TEX11: variants seen among roughly 807,000 people sequenced by gnomAD.
TEX11 encodes testis expressed 11.
In TEX11, 7 loss-of-function variants were observed where a neutral mutation model predicts 84.4. The observed-to-expected ratio is 0.08, with a 90% confidence interval of 0.05 to 0.16. The LOEUF is 0.16. Ranked by LOEUF, TEX11 falls within the 10% of genes least tolerant of loss-of-function variation. The probability of loss-of-function intolerance (pLI) is 1.00; values close to 1 mark genes in which losing one functional copy is unlikely to be tolerated. For synonymous variants in TEX11, 264 were observed against 222.8 expected (o/e 1.18, Z -1.64); for missense variants, 551 against 660.5 (o/e 0.83, Z 1.82).
chrX:70,679,773 G>C (rs2090121617), intron 14 of TEX11, among the ~76,000 whole-genome samples: 5 of 105,539 alleles, frequency 4.7e-5, no homozygotes, highest in Non-Finnish European at 1.0e-4. Context: ...CCGTCCGGGA[G>C]GGAGGTGGGG....
intron 13 of TEX11, 36 bp downstream of exon 13, chrX:70,722,582 T>C (rs1321773432): frequency 6.1e-6 from 7 of 1,140,895 alleles, no homozygotes; most frequent in Non-Finnish European, 8.4e-6. Flanking sequence ...AGCCAAAAAC[T>C]GTCAGTCTTT....
intron 2 of TEX11, among the ~76,000 whole-genome samples, chrX:70,882,202 C>T (rs1299766372): frequency 9.0e-6 from 1 of 110,661 alleles, no homozygotes; most frequent in Non-Finnish European, 1.9e-5. Context: ...ATATTGGTAA[C>T]AGAATCAGGG....
chrX:70,517,786 C>T, the TEX11 span, among the ~76,000 whole-genome samples: 4 of 111,222 alleles, frequency 3.6e-5, no homozygotes, highest in African/African-American at 1.3e-4. Context: ...TTAATAATTG[C>T]CTCAATTTCA....
intron 9 of TEX11, among the ~76,000 whole-genome samples, chrX:70,803,187 C>A (rs1413819503): frequency 8.9e-6 from 1 of 112,117 alleles, no homozygotes; most frequent in Admixed American, 9.5e-5. Context: ...CCAAACCTTG[C>A]ATTCGGATTT....
intron 13 of TEX11, among the ~76,000 whole-genome samples, chrX:70,691,094 T>A (rs947089910): frequency 1.1e-4 from 12 of 111,713 alleles, no homozygotes; most frequent in Non-Finnish European, 2.1e-4. Context: ...ATGCTCAAAA[T>A]CACCAACCAT....
chrX:70,827,384 C>T (rs2091352610), intron 8 of TEX11, among the ~76,000 whole-genome samples: 1 of 111,398 alleles, frequency 9.0e-6, no homozygotes, highest in Non-Finnish European at 1.9e-5. Flanking sequence ...TTGAGAAAAG[C>T]CCAGGAAAAG....
chrX:70,712,464 A>C (rs1300871770), intron 13 of TEX11, among the ~76,000 whole-genome samples: 3 of 110,828 alleles, frequency 2.7e-5, no homozygotes, highest in Admixed American at 9.6e-5. Context: ...CTTTTATTTC[A>C]TTGAGCAGTG....
At chrX:70,544,402 G>A (rs954556168) in intron 28 of TEX11, among the ~76,000 whole-genome samples, 2 of 108,884 alleles carry the variant, frequency 1.8e-5, no homozygotes, top group African/African-American at 6.7e-5. Flanking sequence ...TGGTGCGCAC[G>A]TGTGGTCCCA....
rs180726276 is a variant in TEX11 at position 70,618,766 on chromosome X, G to A, written c.1751+5184C>T. 1.3e-3 allele frequency among the ~76,000 whole-genome samples: 142 copies of A among 112,217 alleles called. 1 individual carries two copies. Among genetic ancestry groups the A allele is most frequent in the Admixed American group, 0.012 (130 of 10,600 alleles). On this transcript the variant is annotated intron_variant, in intron 20 of 29. Coordinates refer to ENST00000374333, the MANE Select transcript of TEX11 (RefSeq NM_031276.3). ...ATACTGCACCAATTTGGGCTGCTGA[G>A]TCACATTTTCTCAGACCAAGAAACA...
At chrX:70,794,888 A>G (rs2091146892) in intron 9 of TEX11, among the ~76,000 whole-genome samples, 1 of 108,155 alleles carries the variant, frequency 9.2e-6, no homozygotes, top group Admixed American at 1.0e-4. Context: ...TTCAGGTGTG[A>G]GCCAACACAT....
intron 7 of TEX11, among the ~76,000 whole-genome samples, chrX:70,848,152 C>A (rs1037866501): frequency 2.7e-5 from 3 of 111,904 alleles, no homozygotes; most frequent in African/African-American, 9.7e-5. Context: ...GCCACCAAAC[C>A]TCTTCCTAAA....
intron 28 of TEX11, among the ~76,000 whole-genome samples, chrX:70,541,693 G>A (rs1027457336): frequency 9.0e-6 from 1 of 111,575 alleles, no homozygotes; most frequent in African/African-American, 3.3e-5. Context: ...GGGAGGCGGA[G>A]GTTGCAGTAA....
At chrX:70,764,580 A>G (rs1338332616) in intron 9 of TEX11, among the ~76,000 whole-genome samples, 1 of 112,013 alleles carries the variant, frequency 8.9e-6, no homozygotes. Flanking sequence ...ACAAAACTTT[A>G]GCCAGACTAT....
At chrX:70,572,825 G>A (rs1276868335) in intron 25 of TEX11, among the ~76,000 whole-genome samples, 6 of 89,345 alleles carry the variant, frequency 6.7e-5, no homozygotes, top group Non-Finnish European at 1.3e-4. Context: ...CACAGGAAGG[G>A]GAACATCACA....
At position 70,872,212 on chromosome X, in the gene TEX11, C is replaced by T. The variant is rs1433995608; in HGVS notation, c.244+1011G>A. 8.9e-5 allele frequency among the ~76,000 whole-genome samples: 10 copies of T among 111,798 alleles called. No homozygotes were observed. The East Asian group carries it at 2.8e-3, about 31-fold the overall frequency. ...CTGATAAATTCCTAGCTCTTACCTC[C>T]CCATAACTACAGGATCTGAGGCTCC... On this transcript the variant is annotated intron_variant, in intron 4 of 29. Coordinates refer to ENST00000374333, the MANE Select transcript of TEX11 (RefSeq NM_031276.3).
chrX:70,743,603 C>A (rs1431288634), intron 10 of TEX11, among the ~76,000 whole-genome samples: 2 of 111,259 alleles, frequency 1.8e-5, no homozygotes, highest in East Asian at 5.6e-4. Flanking sequence ...AGGCCAGGCA[C>A]GGTAGCTCAC....
At chrX:70,635,786 A>G (rs747627390) in intron 17 of TEX11, among the ~76,000 whole-genome samples, 2 of 110,646 alleles carry the variant, frequency 1.8e-5, no homozygotes, top group Non-Finnish European at 3.8e-5. Context: ...CTGCAGCCCC[A>G]GGATCCAGGC....
At chrX:70,838,338 G>A (rs182200797) in intron 7 of TEX11, among the ~76,000 whole-genome samples, 56 of 111,617 alleles carry the variant, frequency 5.0e-4, no homozygotes, top group Non-Finnish European at 2.6e-4. Flanking sequence ...CAGGATAATC[G>A]CTTGAACCCA....
chrX:70,624,791 G>T, intron 19 of TEX11, 48 bp downstream of exon 19: 1 of 1,038,611 alleles, frequency 9.6e-7, no homozygotes, highest in Non-Finnish European at 1.3e-6. Flanking sequence ...CTAAGAGCAA[G>T]ATAAGCAGAG....
Sources: allele counts gnomAD v4.1 joint callset (sites outside exome capture counted in the v4.1 genomes callset), GRCh38; gene constraint gnomAD v4.1.1; transcripts MANE v1.5; gene names NCBI Gene and HGNC (gene_info 2026-07-23, HGNC 2026-07-21).